MAP2K4: variants seen among roughly 807,000 people sequenced by gnomAD.
The protein encoded by MAP2K4 is dual specificity mitogen-activated protein kinase kinase 4.
MAP2K4 carries 4 observed loss-of-function variants against 48.5 expected under a neutral mutation model. The observed-to-expected ratio is 0.08, with a 90% CI of 0.04 to 0.19. The LOEUF is 0.19. MAP2K4 is among the 10% of genes least tolerant of loss of function. The probability of loss-of-function intolerance (pLI) is 1.00; values close to 1 mark genes in which losing one functional copy is unlikely to be tolerated. For missense variants in MAP2K4, 258 were observed against 493.3 expected (o/e 0.52, Z 4.52); for synonymous variants, 166 against 173.1 (o/e 0.96, Z 0.32).
chr17:12,035,046 A>G (rs781056705), intron 1 of MAP2K4, among the ~76,000 whole-genome samples: 1 of 152,160 alleles, frequency 6.6e-6, no homozygotes, highest in East Asian at 1.9e-4. Context: ...CAGTACCTAT[A>G]TTTTAGTATA....
At chr17:12,124,859 T>G (rs1439913846) in intron 7 of MAP2K4, 1 of 159,970 alleles carries the variant, frequency 6.3e-6, no homozygotes, top group Non-Finnish European at 1.4e-5. Context: ...GTATTTTTAG[T>G]AGAGATGGGG....
chr17:12,045,944 T>G (rs183359062), intron 1 of MAP2K4, among the ~76,000 whole-genome samples: 1 of 152,376 alleles, frequency 6.6e-6, no homozygotes, highest in East Asian at 1.9e-4. Flanking sequence ...TCTGAGCACC[T>G]GGATAAAATG....
chr17:12,119,901 T>C (rs937048239), intron 7 of MAP2K4, among the ~76,000 whole-genome samples: 4 of 152,184 alleles, frequency 2.6e-5, no homozygotes, highest in African/African-American at 7.2e-5. Context: ...CTTAGCAAAC[T>C]AATGCAGGAA....
chr17:12,126,481 T>TCC (rs1972857604), intron 8 of MAP2K4, among the ~76,000 whole-genome samples: 1 of 152,190 alleles, frequency 6.6e-6, no homozygotes, highest in African/African-American at 2.4e-5. Context: ...CACTGACAGA[T>TCC]TTGGTGGCTA....
chr17:12,136,951 A>G (rs1444480612), intron 9 of MAP2K4, among the ~76,000 whole-genome samples: 1 of 152,156 alleles, frequency 6.6e-6, no homozygotes. Context: ...CCTGGGCCAC[A>G]GCTTTAAGCA....
chr17:12,112,825 T>C (rs892565479), intron 6 of MAP2K4, among the ~76,000 whole-genome samples: 16 of 152,326 alleles, frequency 1.1e-4, no homozygotes, highest in Admixed American at 3.9e-4. Context: ...ATTTAATGCC[T>C]AAATTTCTTG....
At chr17:12,073,685 T>C (rs1413654402) in intron 2 of MAP2K4, among the ~76,000 whole-genome samples, 1 of 152,220 alleles carries the variant, frequency 6.6e-6, no homozygotes, top group Non-Finnish European at 1.5e-5. Context: ...TGCTAGGTTT[T>C]GACATATGTG....
At chr17:12,066,188 C>G (rs1220945823) in intron 2 of MAP2K4, among the ~76,000 whole-genome samples, 3 of 150,670 alleles carry the variant, frequency 2.0e-5, no homozygotes, top group Non-Finnish European at 4.4e-5. Context: ...CAAAATGGCC[C>G]ATTATCTTAT....
intron 7 of MAP2K4, among the ~76,000 whole-genome samples, chr17:12,119,350 T>C (rs1035936373): frequency 2.0e-5 from 3 of 152,188 alleles, no homozygotes; most frequent in African/African-American, 7.2e-5. Context: ...ACAGACACTT[T>C]TCAAAAGAAG....
chr17:12,111,362 T>C (rs1284142601), intron 6 of MAP2K4, among the ~76,000 whole-genome samples: 2 of 152,328 alleles, frequency 1.3e-5, no homozygotes, highest in East Asian at 3.9e-4. Context: ...TTTAATTTTG[T>C]TTGGCTTAAT....
rs1332342494 is a variant in MAP2K4 at position 12,125,383 on chromosome 17, C to T, written c.891+12C>T. On this transcript the variant is annotated intron_variant, in intron 8 of 10. Transcript: ENST00000353533. The stretch of plus-strand genomic sequence containing the variant: ...TGGGGATCACATTGGTATGTTTATG[C>T]TGATTCAACCTTGCCACAGTAGCGT... 6.2e-7 allele frequency: 1 copy of T among 1,608,116 alleles called. No individual in the cohort carries two copies. Among genetic ancestry groups the T allele is most frequent in the Non-Finnish European group, 8.5e-7 (1 of 1,174,632 alleles).
At position 12,051,313 on chromosome 17, in the gene MAP2K4, A is replaced by G. The variant is rs76490094; in HGVS notation, c.116-3576A>G. ...CAAACAACAAAGATTTACTCCAGCC[A>G]ATAACCATATAGGCTTAAGTTGTCT... On this transcript the variant is annotated intron_variant, in intron 1 of 10. Coordinates refer to ENST00000353533, the MANE Select transcript of MAP2K4 (RefSeq NM_003010.4). Among the ~76,000 whole-genome samples the G allele has an allele frequency of 8.9e-3, 1,356 of 152,336 alleles. 21 individuals are homozygous for G. Among genetic ancestry groups the G allele is most frequent in the African/African-American group, 0.031 (1,299 of 41,572 alleles).
At chr17:12,090,734 G>A (rs1318291581) in intron 3 of MAP2K4, among the ~76,000 whole-genome samples, 1 of 152,022 alleles carries the variant, frequency 6.6e-6, no homozygotes, top group Non-Finnish European at 1.5e-5. Flanking sequence ...CATTATGATG[G>A]GATTGAGGCA....
intron 1 of MAP2K4, chr17:12,021,235 T>A (rs1969030533): frequency 6.8e-6 from 2 of 292,816 alleles, no homozygotes; most frequent in Non-Finnish European, 1.3e-5. Flanking sequence ...GCTTGGCCCC[T>A]GGGCCCTACC....
At chr17:12,133,401 G>T (rs911881735) in intron 9 of MAP2K4, among the ~76,000 whole-genome samples, 2 of 152,104 alleles carry the variant, frequency 1.3e-5, no homozygotes, top group Admixed American at 1.3e-4. Flanking sequence ...AATTACTTCT[G>T]ATTTTCCCCA....
chr17:12,086,256 G>C (rs1263198086), intron 3 of MAP2K4, among the ~76,000 whole-genome samples: 1 of 152,128 alleles, frequency 6.6e-6, no homozygotes, highest in Non-Finnish European at 1.5e-5. Context: ...CTTACTTAAG[G>C]CATCTGTGAT....
chr17:12,039,832 T>C (rs1453575007), intron 1 of MAP2K4, among the ~76,000 whole-genome samples: 1 of 152,164 alleles, frequency 6.6e-6, no homozygotes, highest in Non-Finnish European at 1.5e-5. Context: ...TCCTTACCAT[T>C]TTTTTTGTTT....
rs1973444253 is a variant in MAP2K4, at chr17:12,143,619, T to C, written c.*2359T>C. On this transcript the variant is annotated 3_prime_UTR_variant, in exon 11 of 11. Transcript: ENST00000353533. ...GAGCTTTGGAATATTTTATCCTGTA[T>C]TCTTGTTTGAATTCCTCCTCTATTT... The C allele has an allele frequency of 8.7e-6, 2 of 230,812 alleles. No homozygotes were observed. Among genetic ancestry groups the C allele is most frequent in the Admixed American group, 1.1e-4 (2 of 17,712 alleles). 14.3% of individuals were successfully genotyped at this position (230,812 alleles called of 1,614,324 possible).
At chr17:12,111,351 A>T (rs917223796) in intron 6 of MAP2K4, among the ~76,000 whole-genome samples, 1 of 152,174 alleles carries the variant, frequency 6.6e-6, no homozygotes, top group Non-Finnish European at 1.5e-5. Context: ...AGTAAATTTT[A>T]TTTAATTTTG....
Sources: gnomAD v4.1 joint callset for allele counts (sites outside exome capture counted in the v4.1 genomes callset) on GRCh38, gnomAD v4.1.1 for gene constraint, MANE v1.5 for transcripts, NCBI Gene and HGNC (gene_info 2026-07-23, HGNC 2026-07-21) for gene names.